Variants in EPX observed in about 807,000 individuals in gnomAD.
EPX encodes the protein eosinophil peroxidase.
EPX carries 60 observed loss-of-function variants against 73.0 expected under a neutral mutation model. The observed-to-expected ratio is 0.82, with a 90% CI of 0.67 to 1.02. The LOEUF (loss-of-function observed/expected upper bound fraction) is 1.02, where lower values mean the gene tolerates loss of function less well. Ranked by LOEUF, EPX falls within the 50% of genes least tolerant of loss-of-function variation. The pLI, the probability that EPX is intolerant of heterozygous loss-of-function variation, is 0.00. For synonymous variants in EPX, 347 were observed against 389.2 expected (o/e 0.89, Z 1.28); for missense variants, 950 against 973.9 (o/e 0.98, Z 0.33).
chr17:58,199,067 A>T lies in EPX; in HGVS notation c.1148A>T (p.Lys383Ile). ...GACACCCGATCAACGGAAACCCCCAAACTGGCAGCCATGCACACCCTCTTT... is the reference window on the plus strand; with the variant it reads ...GACACCCGATCAACGGAAACCCCCATACTGGCAGCCATGCACACCCTCTTT... The part of the protein sequence containing the change: ...AGDTRSTETP[K>I]LAAMHTLFMR... Residue 383 changes from lysine (K) to isoleucine (I), a missense_variant, in exon 8 of 13, where the codon AAA becomes ATA. Lys to Ile is a moderately radical substitution (Grantham distance 102). Coordinates refer to ENST00000225371, the MANE Select transcript of EPX (RefSeq NM_000502.6). 6.2e-7 allele frequency: 1 copy of T among 1,614,060 alleles called. No homozygotes were observed. The highest frequency in any genetic ancestry group is 8.5e-7 in the Non-Finnish European group (1 of 1,180,030).
chr17:58,194,378 T>C (rs976043101), intron 5 of EPX, among the ~76,000 whole-genome samples: 1 of 152,228 alleles, frequency 6.6e-6, no homozygotes, highest in African/African-American at 2.4e-5. Context: ...CGGTTTTTTC[T>C]GAGAAAATTA....
chr17:58,194,897 G>C (rs1283318097), intron 5 of EPX, 67 bp from the exon 6 acceptor site: 1 of 1,192,830 alleles, frequency 8.4e-7, no homozygotes, highest in East Asian at 2.4e-5. Flanking sequence ...CCTGAGTCCT[G>C]GGTTGGCTCT....
Position 58,192,763 on chromosome 17 carries a change from T to A in EPX, c.-84T>A. 1.6e-6 allele frequency: 2 copies of A among 1,273,546 alleles called. No individual in the cohort carries two copies. Among genetic ancestry groups the A allele is most frequent in the Non-Finnish European group, 2.2e-6 (2 of 893,084 alleles). The allele number at this position is 1,273,546 out of a possible 1,614,324, so 78.9% of individuals were successfully genotyped here. A position where few individuals can be genotyped will look rare whatever the true frequency, so the allele number is the denominator to read the frequency against. ...GAAGTGAGAGGTCGGCTGGGGGTCC[T>A]CAAAGTGAGAGGGGAGCAGAGGATC... On this transcript the variant is annotated 5_prime_UTR_variant, in exon 1 of 13. Transcript: ENST00000225371.
chr17:58,204,335 ACATCTTC>A lies in EPX; in HGVS notation c.2061_2067del (p.Asp687GlufsTer11). 1 of 1,613,922 alleles carries A rather than the reference ACATCTTC, an allele frequency of 6.2e-7. No homozygotes were observed. Among genetic ancestry groups the A allele is most frequent in the Non-Finnish European group, 8.5e-7 (1 of 1,179,776 alleles). ...ACCGGTATCACCACGGTTTCAAGGG[ACATCTTC>A]AGAGCCAACATCTACCCTCGGGGCT... On this transcript the variant is annotated frameshift_variant, in exon 12 of 13. Transcript: ENST00000225371. LOFTEE classifies it high-confidence loss of function.
In EPX at chr17:58,193,807, C is replaced by G. The variant is rs141038476; in HGVS notation, c.440C>G (p.Thr147Ser). Residue 147 changes from threonine (T) to serine (S), a missense_variant, in exon 4 of 13, where the codon ACC becomes AGC. By Grantham distance (58) the Thr-to-Ser change is moderately conservative. Transcript: ENST00000225371. ...QAERCSDKYR[T>S]ITGRCNNKRR... ...GAGCGCTGCAGCGACAAGTACCGCACCATCACTGGACGGTGCAACAACAAG... is the reference window on the plus strand; with the variant it reads ...GAGCGCTGCAGCGACAAGTACCGCAGCATCACTGGACGGTGCAACAACAAG... The G allele has an allele frequency of 3.1e-6, 5 of 1,613,296 alleles. No homozygotes were observed. Among genetic ancestry groups the G allele is most frequent in the Middle Eastern group, 1.7e-4 (1 of 5,858 alleles).
chr17:58,204,140 T>A, intron 11 of EPX, 82 bp from the exon 12 acceptor site: 2 of 948,456 alleles, frequency 2.1e-6, no homozygotes, highest in Non-Finnish European at 3.5e-6. Flanking sequence ...ATAATATATG[T>A]AAAGTACCTG....
intron 10 of EPX, 41 bp downstream of exon 10, chr17:58,200,436 C>A (rs1017612756): frequency 6.3e-7 from 1 of 1,599,622 alleles, no homozygotes; most frequent in African/African-American, 1.3e-5. Context: ...TTTGCTCGGG[C>A]CAGGCTGCTC....
At chr17:58,195,431 T>C (rs1651097594) in intron 6 of EPX, among the ~76,000 whole-genome samples, 1 of 152,164 alleles carries the variant, frequency 6.6e-6, no homozygotes, top group Non-Finnish European at 1.5e-5. Context: ...CCTTGACCCA[T>C]GGGTCTGAAT....
At chr17:58,196,744 C>A (rs1457971031) in intron 6 of EPX, among the ~76,000 whole-genome samples, 195 bp from the exon 7 acceptor site, 1 of 152,116 alleles carries the variant, frequency 6.6e-6, no homozygotes, top group Non-Finnish European at 1.5e-5. Context: ...CATTCCTAAC[C>A]TTTTGAGACT....
chr17:58,199,676 C>A lies in EPX; in HGVS notation c.1419C>A (p.Gly473=). 2 of 1,614,248 alleles carry A rather than the reference C, an allele frequency of 1.2e-6. No homozygotes were observed. The highest frequency in any genetic ancestry group is 2.2e-5 in the South Asian group (2 of 91,092). Residue 473 remains glycine, a synonymous_variant, in exon 9 of 13, where the codon GGC becomes GGA. Transcript: ENST00000225371. ...ANVFTLAFRF[G]HTMLQPFMFR... ...TCTTCACCCTGGCCTTCCGCTTTGG[C>A]CACACAATGCTCCAGCCCTTCATGT...
Position 58,197,264 on chromosome 17 carries a change from C to T in EPX, c.1120+7C>T. On this transcript the variant is annotated splice_region_variant and intron_variant, in intron 7 of 12. Coordinates refer to ENST00000225371, the MANE Select transcript of EPX (RefSeq NM_000502.6). The stretch of plus-strand genomic sequence containing the variant: ...ATCCCCTGCTTCCTGGCAGGTCAGA[C>T]AGGGAGGAAGGTGGTGTCTTCCCAG... 1 of 1,610,334 alleles carries T rather than the reference C, an allele frequency of 6.2e-7. No homozygotes were observed. Among genetic ancestry groups the T allele is most frequent in the Non-Finnish European group, 8.5e-7 (1 of 1,179,994 alleles).
At position 58,197,316 on chromosome 17, in the gene EPX, T is replaced by G. The variant is rs530645048; in HGVS notation, c.1120+59T>G. 75 of 1,583,864 alleles carry G rather than the reference T, an allele frequency of 4.7e-5. 1 individual carries two copies. The South Asian group carries it at 7.7e-4, about 16-fold the overall frequency. ...AAACAGCCATCCCTGGGGTCCCAAC[T>G]GGGAAGCAATGGTGGGATGTGGTGA... On this transcript the variant is annotated intron_variant, in intron 7 of 12. Transcript: ENST00000225371.
intron 7 of EPX, among the ~76,000 whole-genome samples, chr17:58,197,503 G>A (rs967022411): frequency 6.6e-6 from 1 of 152,146 alleles, no homozygotes; most frequent in Non-Finnish European, 1.5e-5. Flanking sequence ...CGCCTCTATG[G>A]CACCCCAGCT....
At chr17:58,199,258 C>A (rs557655907) in intron 8 of EPX, 58 bp downstream of exon 8, 1,101 of 1,561,514 alleles carry the variant, frequency 7.1e-4, no homozygotes, top group Non-Finnish European at 8.8e-4. Flanking sequence ...GAGAAGCAGT[C>A]CTTAACACAT....
At position 58,194,855 on chromosome 17, in the gene EPX, G is replaced by A; in HGVS notation, c.595-109G>A. The A allele has an allele frequency of 3.8e-6, 3 of 789,528 alleles. No individual in the cohort carries two copies. In the South Asian group the frequency reaches 4.4e-5, roughly 11 times the overall value. 48.9% of individuals were successfully genotyped at this position (789,528 alleles called of 1,614,324 possible). ...GGGGCATGGAGGGCAGAAGAGGAGA[G>A]GCTGTCAATTCCAGCAGGGGAGCTG... On this transcript the variant is annotated intron_variant, in intron 5 of 12. Coordinates refer to ENST00000225371, the MANE Select transcript of EPX (RefSeq NM_000502.6).
At chr17:58,203,441 T>A (rs1391497399) in intron 11 of EPX, 123 bp downstream of exon 11, 1 of 804,210 alleles carries the variant, frequency 1.2e-6, no homozygotes, top group Admixed American at 1.9e-5. Flanking sequence ...GTTCACAGGA[T>A]CTGAAATCAG....
Position 58,199,560 on chromosome 17 carries a change from C to T in EPX, c.1303C>T (p.Leu435=), listed in dbSNP as rs781160223. The change falls in exon 9 of 13, where the codon CTG becomes TTG. Residue 435 remains leucine, a synonymous_variant. Transcript: ENST00000225371. ...MVQIITYRDF[L]PLVLGKARAR... ...CCAGATCATCACCTACCGAGACTTT[C>T]TGCCCCTGGTTCTGGGCAAGGCCCG... The T allele has an allele frequency of 1.2e-6, 2 of 1,614,224 alleles. No individual in the cohort carries two copies. Among genetic ancestry groups the T allele is most frequent in the Admixed American group, 3.3e-5 (2 of 60,036 alleles).
chr17:58,203,816 C>CG, intron 11 of EPX, among the ~76,000 whole-genome samples: 1 of 148,890 alleles, frequency 6.7e-6, no homozygotes, highest in Admixed American at 6.7e-5. Context: ...CCTGTAGTCC[C>CG]GGCTACTTGG....
chr17:58,195,288 G>T, intron 6 of EPX, 118 bp downstream of exon 6: 1 of 828,484 alleles, frequency 1.2e-6, no homozygotes. Context: ...TGTGGAGCTA[G>T]GGTATGAGAC....
Sources: allele counts gnomAD v4.1 joint callset (sites outside exome capture counted in the v4.1 genomes callset), GRCh38; gene constraint gnomAD v4.1.1; transcripts MANE v1.5; gene names NCBI Gene and HGNC (gene_info 2026-07-23, HGNC 2026-07-21).